The following ACTR3C variants were observed in gnomAD, a reference collection of about 807,000 sequenced individuals.
ACTR3C encodes actin-related protein 3C.
In ACTR3C, 18 loss-of-function variants were observed where a neutral mutation model predicts 26.3. The observed-to-expected ratio is 0.68, with a 90% CI of 0.47 to 1.01. The LOEUF (loss-of-function observed/expected upper bound fraction) is 1.01. Ranked by LOEUF, ACTR3C falls within the 50% of genes least tolerant of loss-of-function variation. The pLI is 0.00. For missense variants in ACTR3C, 184 were observed against 250.7 expected (o/e 0.73, Z 1.80); for synonymous variants, 55 against 94.5 (o/e 0.58, Z 2.42).
the ACTR3C span, among the ~76,000 whole-genome samples, chr7:150,205,926 G>C: frequency 6.6e-6 from 1 of 152,024 alleles, no homozygotes; most frequent in Non-Finnish European, 1.5e-5. Context: ...GTGGTAATGG[G>C]GAGTGAGAGT....
the ACTR3C span, among the ~76,000 whole-genome samples, chr7:150,096,741 A>G: frequency 2.6e-5 from 4 of 151,910 alleles, no homozygotes; most frequent in Non-Finnish European, 5.9e-5. Flanking sequence ...ACTTCTGCAA[A>G]AGGGATAGAG....
chr7:150,297,748 T>A (rs138500309), intron 1 of ACTR3C, among the ~76,000 whole-genome samples: 2,342 of 150,032 alleles, frequency 0.016, 48 homozygotes, highest in African/African-American at 0.055. Context: ...GCTACTTGGG[T>A]GGTTGAGGCA....
chr7:150,239,538 CTCT>C (rs1832062300), downstream of ACTR3C, among the ~76,000 whole-genome samples: 1 of 104,216 alleles, frequency 9.6e-6, no homozygotes, highest in Admixed American at 1.0e-4. Context: ...CTCTCTCTCT[CTCT>C]ATATATATAT....
At chr7:150,010,120 G>A in the ACTR3C span, among the ~76,000 whole-genome samples, 1 of 152,192 alleles carries the variant, frequency 6.6e-6, no homozygotes, top group Non-Finnish European at 1.5e-5. Flanking sequence ...AGCCAAGTGG[G>A]CATTCTGTCA....
chr7:150,254,640 C>G (rs1833081812), intron 6 of ACTR3C, among the ~76,000 whole-genome samples: 1 of 152,092 alleles, frequency 6.6e-6, no homozygotes. Flanking sequence ...TTCTTTACCC[C>G]TCCCTTATTC....
chr7:149,945,696 A>G, the ACTR3C span, among the ~76,000 whole-genome samples: 2 of 152,104 alleles, frequency 1.3e-5, no homozygotes, highest in African/African-American at 4.8e-5. Flanking sequence ...CCCAGGTCTA[A>G]TGCCGGCAGG....
rs113574526 is a variant in ACTR3C, at chr7:150,318,839, T to C, written c.-52+4630A>G. Among the ~76,000 whole-genome samples, 612 of 152,336 alleles carry C rather than the reference T, an allele frequency of 4.0e-3. 7 individuals are homozygous for C. The highest frequency in any genetic ancestry group is 0.014 in the African/African-American group (586 of 41,566). On this transcript the variant is annotated intron_variant, in intron 1 of 7. Coordinates refer to ENST00000683684, the MANE Select transcript of ACTR3C (RefSeq NM_001164458.2). ...CGTGAGCCCAAAAATTTGCTTTAGA[T>C]CAGTGTTTCTCAAAAGCTTACATAA...
chr7:149,937,659 G>A, the ACTR3C span, among the ~76,000 whole-genome samples: 2 of 152,160 alleles, frequency 1.3e-5, no homozygotes, highest in African/African-American at 4.8e-5. Context: ...AACAGGAACC[G>A]AAGTACCTGG....
At chr7:150,073,351 CA>C in the ACTR3C span, among the ~76,000 whole-genome samples, 2 of 151,394 alleles carry the variant, frequency 1.3e-5, no homozygotes, top group African/African-American at 2.4e-5. Flanking sequence ...GTTAACATGA[CA>C]AAAAAAATGT....
the ACTR3C span, among the ~76,000 whole-genome samples, chr7:149,900,583 A>G: frequency 6.6e-6 from 1 of 151,860 alleles, no homozygotes; most frequent in African/African-American, 2.4e-5. Context: ...TACATCAAGA[A>G]AAAAGAAAGA....
chr7:150,075,684 G>A, the ACTR3C span, among the ~76,000 whole-genome samples: 9 of 152,200 alleles, frequency 5.9e-5, no homozygotes, highest in Admixed American at 5.9e-4. Flanking sequence ...TATAAGACAT[G>A]CAAGGTCCCT....
chr7:150,130,449 A>T, the ACTR3C span, among the ~76,000 whole-genome samples: 1 of 152,210 alleles, frequency 6.6e-6, no homozygotes, highest in Non-Finnish European at 1.5e-5. Context: ...ATATTTAGAG[A>T]TCTTACAATT....
chr7:150,314,699 T>G (rs1455388513), intron 1 of ACTR3C, among the ~76,000 whole-genome samples: 3 of 147,862 alleles, frequency 2.0e-5, no homozygotes, highest in Non-Finnish European at 4.5e-5. Flanking sequence ...TCCCAGTACT[T>G]GGGAAGGCTG....
At position 150,286,517 on chromosome 7, in the gene ACTR3C, G is replaced by A. The variant is rs745733638; in HGVS notation, c.321C>T (p.Pro107=). 9.2e-5 allele frequency: 148 copies of A among 1,611,104 alleles called. No individual in the cohort carries two copies. In the East Asian group the frequency reaches 9.6e-4, roughly 10 times the overall value. ...ACTTGGCAAATTCCTTGACTATATC[G>A]GGGCAAATGTAACAGTATTTCTCCT... ...AIKEKYCYIC[P]DIVKEFAKYD... Residue 107 remains proline, a synonymous_variant, in exon 5 of 8, where the codon CCC becomes CCT. Transcript: ENST00000683684.
At chr7:150,120,283 A>G in the ACTR3C span, among the ~76,000 whole-genome samples, 1 of 152,164 alleles carries the variant, frequency 6.6e-6, no homozygotes, top group African/African-American at 2.4e-5. Flanking sequence ...TCAAAAATCA[A>G]TGAATCCAGG....
chr7:150,281,071 G>C (rs1835293587), intron 6 of ACTR3C, among the ~76,000 whole-genome samples: 1 of 152,016 alleles, frequency 6.6e-6, no homozygotes, highest in South Asian at 2.1e-4. Context: ...AAATGAGGCT[G>C]TGGAACCAGT....
At chr7:150,260,885 G>T (rs1444431988) in intron 6 of ACTR3C, among the ~76,000 whole-genome samples, 2 of 152,128 alleles carry the variant, frequency 1.3e-5, no homozygotes, top group Admixed American at 6.5e-5. Context: ...ATGAGATATG[G>T]ACTTCTTTGC....
At chr7:150,021,104 A>G in the ACTR3C span, among the ~76,000 whole-genome samples, 2 of 151,770 alleles carry the variant, frequency 1.3e-5, no homozygotes, top group Non-Finnish European at 2.9e-5. Flanking sequence ...TATAGGTGTG[A>G]GGCACTGCAC....
chr7:150,175,841 AAAGG>A, the ACTR3C span, among the ~76,000 whole-genome samples: 7 of 143,678 alleles, frequency 4.9e-5, no homozygotes, highest in African/African-American at 8.8e-5. Context: ...AAAAAGAAAG[AAAGG>A]AAGGAAGGAA....
Sources: gnomAD v4.1 joint callset for allele counts (sites outside exome capture counted in the v4.1 genomes callset) on GRCh38, gnomAD v4.1.1 for gene constraint, MANE v1.5 for transcripts, NCBI Gene and HGNC (gene_info 2026-07-23, HGNC 2026-07-21) for gene names.